The following CFAP299 variants were observed in gnomAD, a reference collection of about 807,000 sequenced individuals.
CFAP299 encodes the protein cilia- and flagella-associated protein 299.
In CFAP299, 21 loss-of-function variants were observed where a neutral mutation model predicts 27.0. That is an observed-to-expected ratio of 0.78 (90% CI 0.55 to 1.12). The LOEUF (loss-of-function observed/expected upper bound fraction) is 1.12. CFAP299 is among the 50% of genes most tolerant of loss of function. The pLI is 0.00. For missense variants in CFAP299, 310 were observed against 276.6 expected (o/e 1.12, Z -0.86); for synonymous variants, 104 against 98.1 (o/e 1.06, Z -0.36).
At chr4:80,396,857 C>T (rs1395995085) in intron 2 of CFAP299, among the ~76,000 whole-genome samples, 1 of 152,158 alleles carries the variant, frequency 6.6e-6, no homozygotes, top group Non-Finnish European at 1.5e-5. Context: ...TGTTGTGTCT[C>T]TGCCAGGCTT....
chr4:80,536,231 T>C (rs530957414), intron 2 of CFAP299, among the ~76,000 whole-genome samples: 25 of 152,288 alleles, frequency 1.6e-4, no homozygotes, highest in Non-Finnish European at 2.9e-4. Flanking sequence ...TCCCCTACCA[T>C]TGAAAATATT....
At chr4:80,542,440 T>G (rs1734044339) in intron 2 of CFAP299, among the ~76,000 whole-genome samples, 1 of 152,034 alleles carries the variant, frequency 6.6e-6, no homozygotes, top group Non-Finnish European at 1.5e-5. Flanking sequence ...TGAGAGAGGT[T>G]AGATAAATGA....
At chr4:80,607,584 A>G (rs1015095899) in intron 3 of CFAP299, among the ~76,000 whole-genome samples, 1 of 152,090 alleles carries the variant, frequency 6.6e-6, no homozygotes, top group African/African-American at 2.4e-5. Flanking sequence ...GAATTGTAAG[A>G]CAGAAAAAAA....
chr4:80,858,934 T>G (rs983962340), intron 3 of CFAP299, among the ~76,000 whole-genome samples: 3 of 152,170 alleles, frequency 2.0e-5, no homozygotes, highest in Admixed American at 2.0e-4. Context: ...GTCCGCTTGG[T>G]GCAGAGCTGA....
Position 80,717,200 on chromosome 4 carries a change from G to A in CFAP299, c.333+134017G>A, listed in dbSNP as rs187761683. 2.0e-4 allele frequency among the ~76,000 whole-genome samples: 30 copies of A among 152,088 alleles called. No homozygotes were observed. The East Asian group carries it at 4.4e-3, about 23-fold the overall frequency. ...AAAAATGTGATGAATACTATGATAG[G>A]GTAAACTAAGGTGGGGTGGTGACAT... On this transcript the variant is annotated intron_variant, in intron 3 of 5. Transcript: ENST00000358105.
chr4:80,375,370 C>A (rs890872456), intron 2 of CFAP299, among the ~76,000 whole-genome samples: 1 of 152,076 alleles, frequency 6.6e-6, no homozygotes, highest in African/African-American at 2.4e-5. Context: ...TAGGGCATTC[C>A]CCTTGAATGG....
rs142087938 is a variant in CFAP299 at position 80,653,233 on chromosome 4, T to G, written c.333+70050T>G. ...GTCCCACATTTTGACAAACGGCAGA[T>G]CTACTGTCTGATGGTTCAGGTAAGG... On this transcript the variant is annotated intron_variant, in intron 3 of 5. Coordinates refer to ENST00000358105, the MANE Select transcript of CFAP299 (RefSeq NM_152770.3). Among the ~76,000 whole-genome samples the G allele has an allele frequency of 5.1e-3, 769 of 152,202 alleles. 5 individuals are homozygous for G. The highest frequency in any genetic ancestry group is 0.02 in the Middle Eastern group (6 of 294).
intron 3 of CFAP299, among the ~76,000 whole-genome samples, chr4:80,832,592 G>A (rs905946214): frequency 1.3e-5 from 2 of 151,798 alleles, no homozygotes; most frequent in Admixed American, 6.6e-5. Context: ...CCTTAATTTG[G>A]CTTTAATTTA....
At chr4:80,433,884 C>A (rs1026253016) in intron 2 of CFAP299, among the ~76,000 whole-genome samples, 2 of 152,152 alleles carry the variant, frequency 1.3e-5, no homozygotes, top group African/African-American at 4.8e-5. Context: ...GGTAAAAATG[C>A]TGTCAACCTC....
At chr4:80,494,235 C>T (rs990577871) in intron 2 of CFAP299, among the ~76,000 whole-genome samples, 2 of 152,220 alleles carry the variant, frequency 1.3e-5, no homozygotes, top group Non-Finnish European at 2.9e-5. Flanking sequence ...TCAGCAAGTC[C>T]TATTGGTTCT....
chr4:80,509,880 A>T (rs1400773419), intron 2 of CFAP299, among the ~76,000 whole-genome samples: 8 of 149,752 alleles, frequency 5.3e-5, no homozygotes, highest in Admixed American at 4.7e-4. Context: ...TTTTTCTGGC[A>T]GGTTGCATAT....
intron 3 of CFAP299, among the ~76,000 whole-genome samples, chr4:80,848,077 G>A (rs1015818230): frequency 3.9e-5 from 6 of 151,974 alleles, no homozygotes; most frequent in African/African-American, 1.5e-4. Flanking sequence ...TGAGTGTGGT[G>A]GTGTGCTCCC....
At chr4:80,488,600 A>G (rs764241125) in intron 2 of CFAP299, among the ~76,000 whole-genome samples, 2 of 150,854 alleles carry the variant, frequency 1.3e-5, no homozygotes, top group Non-Finnish European at 2.9e-5. Flanking sequence ...CAGCCTCCCT[A>G]GTAGCTGGGA....
intron 3 of CFAP299, among the ~76,000 whole-genome samples, chr4:80,661,844 C>T (rs962332931): frequency 3.3e-5 from 5 of 152,158 alleles, no homozygotes; most frequent in African/African-American, 1.2e-4. Context: ...AGGAACATCC[C>T]TGAGAAAGAG....
intron 4 of CFAP299, among the ~76,000 whole-genome samples, chr4:80,906,181 A>T (rs1466093545): frequency 1.3e-5 from 1 of 78,000 alleles, no homozygotes; most frequent in Non-Finnish European, 2.0e-5. Flanking sequence ...GGCCCCATGC[A>T]GCCCAAAATC....
chr4:80,892,596 G>T (rs995308145), intron 4 of CFAP299, among the ~76,000 whole-genome samples: 1 of 151,998 alleles, frequency 6.6e-6, no homozygotes, highest in Non-Finnish European at 1.5e-5. Context: ...TAGTAAATGT[G>T]ATGCACCATT....
chr4:80,818,624 C>G (rs748404352), intron 3 of CFAP299, among the ~76,000 whole-genome samples: 5 of 152,058 alleles, frequency 3.3e-5, no homozygotes, highest in Non-Finnish European at 7.4e-5. Context: ...AAAAAGTCAT[C>G]AAACCCCCTT....
intron 2 of CFAP299, among the ~76,000 whole-genome samples, chr4:80,488,232 A>T (rs1237042532): frequency 6.6e-6 from 1 of 152,206 alleles, no homozygotes; most frequent in African/African-American, 2.4e-5. Context: ...CTGCCGCAGA[A>T]GTAATGCAAG....
intron 2 of CFAP299, among the ~76,000 whole-genome samples, chr4:80,408,678 T>C (rs1726552915): frequency 6.6e-6 from 1 of 152,112 alleles, no homozygotes; most frequent in South Asian, 2.1e-4. Flanking sequence ...TACTGGCCTC[T>C]TCTCCACACA....
Sources: allele counts gnomAD v4.1 joint callset (sites outside exome capture counted in the v4.1 genomes callset), GRCh38; gene constraint gnomAD v4.1.1; transcripts MANE v1.5; gene names NCBI Gene and HGNC (gene_info 2026-07-23, HGNC 2026-07-21).